ATP8B4: variants seen among roughly 807,000 people sequenced by gnomAD.
ATP8B4 encodes ATPase phospholipid transporting 8B4 (putative).
In ATP8B4, 133 loss-of-function variants were observed where a neutral mutation model predicts 145.6. The observed-to-expected ratio is 0.91, with a 90% CI of 0.79 to 1.05. The LOEUF (loss-of-function observed/expected upper bound fraction) is 1.05, where lower values mean the gene tolerates loss of function less well. Ranked by LOEUF, ATP8B4 falls within the 50% of genes least tolerant of loss-of-function variation. The pLI is 0.00. For missense variants in ATP8B4, 1,458 were observed against 1,425.2 expected, an observed-to-expected ratio of 1.02 and a Z score of -0.37; for synonymous variants, 507 against 492.9, an observed-to-expected ratio of 1.03 and a Z score of -0.38.
At chr15:50,056,458 T>C (rs1196268304) in intron 3 of ATP8B4, among the ~76,000 whole-genome samples, 1 of 152,074 alleles carries the variant, frequency 6.6e-6, no homozygotes, top group Non-Finnish European at 1.5e-5. Flanking sequence ...AAGAGCACCT[T>C]GCCTGCCAAG....
In ATP8B4 at chr15:49,881,704, C is replaced by T. The variant is rs373015944; in HGVS notation, c.2698-2245G>A. Among the ~76,000 whole-genome samples the T allele has an allele frequency of 3.8e-4, 58 of 152,282 alleles. 1 individual carries two copies. The East Asian group carries it at 6.4e-3, about 17-fold the overall frequency. ...AAGCTGGCTGGCACTCCCTGGAACCCCCCTGGGTATTTAGCAGAGGTATCT... is the reference window on the plus strand; with the variant it reads ...AAGCTGGCTGGCACTCCCTGGAACCTCCCTGGGTATTTAGCAGAGGTATCT... On this transcript the variant is annotated intron_variant, in intron 23 of 27. Coordinates refer to ENST00000284509, the MANE Select transcript of ATP8B4 (RefSeq NM_024837.4).
At chr15:49,863,223 C>T (rs2032171311) in intron 26 of ATP8B4, among the ~76,000 whole-genome samples, 1 of 152,180 alleles carries the variant, frequency 6.6e-6, no homozygotes, top group Non-Finnish European at 1.5e-5. Context: ...ATGAAGTCCT[C>T]AAAGTTCCAA....
chr15:49,929,447 A>C (rs892213016), intron 16 of ATP8B4, among the ~76,000 whole-genome samples: 1 of 152,130 alleles, frequency 6.6e-6, no homozygotes, highest in Non-Finnish European at 1.5e-5. Context: ...TGTGAGAAAG[A>C]AAGTTCCATA....
chr15:49,912,918 A>G (rs571142281), intron 20 of ATP8B4, among the ~76,000 whole-genome samples: 5 of 152,192 alleles, frequency 3.3e-5, no homozygotes, highest in African/African-American at 4.8e-5. Flanking sequence ...ATTTGAGCAC[A>G]GGAATATGAA....
At chr15:49,988,558 T>G (rs1414216380) in intron 9 of ATP8B4, among the ~76,000 whole-genome samples, 1 of 151,928 alleles carries the variant, frequency 6.6e-6, no homozygotes, top group Non-Finnish European at 1.5e-5. Context: ...CCTACAAAGT[T>G]CTCTCTCTCA....
chr15:50,111,847 C>T (rs1213502100), intron 1 of ATP8B4, among the ~76,000 whole-genome samples: 3 of 152,144 alleles, frequency 2.0e-5, no homozygotes, highest in Non-Finnish European at 4.4e-5. Flanking sequence ...GCGAGTGTAA[C>T]TCCTTTAAGA....
intron 4 of ATP8B4, 114 bp from the exon 5 acceptor site, chr15:50,044,806 G>T: frequency 1.6e-6 from 1 of 623,302 alleles, no homozygotes; most frequent in Non-Finnish European, 2.7e-6. Context: ...TGTACAAATG[G>T]AGAATGACTT....
At chr15:50,113,411 A>G (rs911181859) in intron 1 of ATP8B4, 3 of 152,212 alleles carry the variant, frequency 2.0e-5, no homozygotes, top group African/African-American at 7.2e-5. Flanking sequence ...AGATAATTCT[A>G]TTTGGTATCA....
intron 2 of ATP8B4, among the ~76,000 whole-genome samples, chr15:50,086,148 TTTA>T (rs1169168088): frequency 1.3e-5 from 1 of 75,318 alleles, no homozygotes; most frequent in Non-Finnish European, 2.3e-5. Flanking sequence ...TAGATCTATA[TTTA>T]TTATATATAA....
intron 13 of ATP8B4, among the ~76,000 whole-genome samples, chr15:49,967,000 A>C (rs2044612270): frequency 6.6e-6 from 1 of 152,186 alleles, no homozygotes; most frequent in Non-Finnish European, 1.5e-5. Context: ...GACCTCCAGC[A>C]AACTCCAGCA....
chr15:50,000,204 T>TA (rs1261515219), intron 8 of ATP8B4, among the ~76,000 whole-genome samples: 1 of 152,192 alleles, frequency 6.6e-6, no homozygotes, highest in Non-Finnish European at 1.5e-5. Flanking sequence ...TTCTCTGGGA[T>TA]AAATGCCCAG....
chr15:49,910,643 C>T (rs946596287), intron 20 of ATP8B4, among the ~76,000 whole-genome samples: 24 of 152,010 alleles, frequency 1.6e-4, no homozygotes, highest in Non-Finnish European at 2.9e-4. Context: ...TCAGACTTAC[C>T]GTAGACTTAT....
intron 2 of ATP8B4, among the ~76,000 whole-genome samples, chr15:50,098,740 G>A (rs1011520778): frequency 6.6e-6 from 1 of 151,992 alleles, no homozygotes; most frequent in Non-Finnish European, 1.5e-5. Context: ...TTGCTCTCTG[G>A]AAGGCTATTT....
intron 14 of ATP8B4, among the ~76,000 whole-genome samples, chr15:49,936,438 C>T (rs555401866): frequency 3.4e-4 from 52 of 152,206 alleles, no homozygotes; most frequent in East Asian, 1.7e-3. Context: ...GACACAATAT[C>T]GAATTTTAGG....
rs768774629 is a variant in ATP8B4, at chr15:49,860,348, A to G, written c.3425T>C (p.Ile1142Thr). The G allele has an allele frequency of 6.2e-7, 1 of 1,614,108 alleles. No homozygotes were observed. The highest frequency in any genetic ancestry group is 1.1e-5 in the South Asian group (1 of 91,080). Residue 1142 changes from isoleucine to threonine, a missense_variant, in exon 28 of 28, where the codon ATC becomes ACC. Transcript: ENST00000284509. ...FAHQEGYGEL[I>T]TSGKNMRAKN... Reference sequence around the variant, plus strand: ...AGCTCGCATATTTTTTCCAGATGTGATAAGCTCTCCATAGCCTTCTTGGTG... The same window carrying G: ...AGCTCGCATATTTTTTCCAGATGTGGTAAGCTCTCCATAGCCTTCTTGGTG...
chr15:50,144,144 A>C (rs2044246612), intron 1 of ATP8B4, among the ~76,000 whole-genome samples: 1 of 152,178 alleles, frequency 6.6e-6, no homozygotes, highest in Non-Finnish European at 1.5e-5. Context: ...CACAATGTGG[A>C]AAATCGATTT....
intron 14 of ATP8B4, among the ~76,000 whole-genome samples, chr15:49,945,271 C>G (rs1170126319): frequency 3.3e-5 from 5 of 152,022 alleles, no homozygotes; most frequent in Non-Finnish European, 5.9e-5. Context: ...GAAAAACAGA[C>G]AAACTCCTAG....
chr15:49,900,877 G>A (rs1226916734), intron 21 of ATP8B4, among the ~76,000 whole-genome samples: 1 of 151,982 alleles, frequency 6.6e-6, no homozygotes, highest in African/African-American at 2.4e-5. Context: ...CATTTCTTTG[G>A]AGCCTCCCCT....
At chr15:49,884,021 A>T (rs1160739358) in intron 23 of ATP8B4, among the ~76,000 whole-genome samples, 3 of 152,254 alleles carry the variant, frequency 2.0e-5, no homozygotes, top group Admixed American at 2.0e-4. Flanking sequence ...ACAAAAGTGT[A>T]AAACAATGGC....
Sources: allele counts gnomAD v4.1 joint callset (sites outside exome capture counted in the v4.1 genomes callset), GRCh38; gene constraint gnomAD v4.1.1; transcripts MANE v1.5; gene names NCBI Gene and HGNC (gene_info 2026-07-23, HGNC 2026-07-21).